ERC1: variants seen among roughly 807,000 people sequenced by gnomAD.
The protein encoded by ERC1 is ELKS/RAB6-interacting/CAST family member 1, also known as RAB6 interacting protein 2.
Under a neutral mutation model 132.0 loss-of-function variants are expected in ERC1, and 56 were observed. That is an observed-to-expected ratio of 0.42 (90% CI 0.34 to 0.53). ERC1 has a LOEUF of 0.53. Ranked by LOEUF, ERC1 falls within the 20% of genes least tolerant of loss-of-function variation. ERC1 has a pLI of 0.03. For missense variants in ERC1, 1,202 were observed against 1,349.9 expected, an observed-to-expected ratio of 0.89 and a Z score of 1.72; for synonymous variants, 478 against 476.1, an observed-to-expected ratio of 1.00 and a Z score of -0.05.
chr12:1,478,740 G>A (rs951220771), intron 18 of ERC1, among the ~76,000 whole-genome samples: 1 of 151,472 alleles, frequency 6.6e-6, no homozygotes, highest in Non-Finnish European at 1.5e-5. Context: ...AGTGAGCCAA[G>A]ATCGCACCAC....
chr12:1,276,169 A>T (rs147775198), intron 14 of ERC1, among the ~76,000 whole-genome samples: 1 of 151,770 alleles, frequency 6.6e-6, no homozygotes, highest in Admixed American at 6.6e-5. Context: ...TACTTCTTCC[A>T]TAAAACCTTT....
At chr12:1,184,814 G>A (rs558382547) in intron 11 of ERC1, among the ~76,000 whole-genome samples, 13 of 152,036 alleles carry the variant, frequency 8.6e-5, no homozygotes, top group African/African-American at 2.4e-4. Flanking sequence ...GTGCAGTGGC[G>A]TAATCATAGT....
rs141947915 is a variant in ERC1, at chr12:1,332,259, C to G, written c.2781-39574C>G. Among the ~76,000 whole-genome samples, 360 of 152,146 alleles carry G rather than the reference C, an allele frequency of 2.4e-3. 1 individual carries two copies. The highest frequency in any genetic ancestry group is 7.8e-3 in the African/African-American group (326 of 41,532). The stretch of plus-strand genomic sequence containing the variant: ...TTAACTTTCTTACAATTGGAATGTT[C>G]TTTTTCATAGCCTGCTGTATCTGTT... On this transcript the variant is annotated intron_variant, in intron 15 of 18. Coordinates refer to ENST00000360905, the MANE Select transcript of ERC1 (RefSeq NM_178040.4).
At chr12:1,211,938 G>A (rs1007314767) in intron 12 of ERC1, among the ~76,000 whole-genome samples, 1 of 152,076 alleles carries the variant, frequency 6.6e-6, no homozygotes, top group African/African-American at 2.4e-5. Context: ...ATTTAAGGAG[G>A]TCAATTAAAT....
chr12:1,470,783 T>C (rs1386210202), intron 18 of ERC1, among the ~76,000 whole-genome samples: 1 of 152,238 alleles, frequency 6.6e-6, no homozygotes. Context: ...CAAGCCTGCA[T>C]CTGCAAATCT....
At chr12:1,331,269 T>C (rs1300840251) in intron 15 of ERC1, among the ~76,000 whole-genome samples, 1 of 152,240 alleles carries the variant, frequency 6.6e-6, no homozygotes, top group Non-Finnish European at 1.5e-5. Context: ...ATAAGTACTC[T>C]TTTGTGTCTG....
chr12:1,315,683 T>C (rs1050776737), intron 15 of ERC1, among the ~76,000 whole-genome samples: 1 of 151,998 alleles, frequency 6.6e-6, no homozygotes, highest in East Asian at 1.9e-4. Context: ...ACTTATTTTT[T>C]TACTAGTTTT....
chr12:1,155,388 A>C (rs910622986), intron 8 of ERC1, among the ~76,000 whole-genome samples: 1 of 152,118 alleles, frequency 6.6e-6, no homozygotes, highest in African/African-American at 2.4e-5. Flanking sequence ...TACCCAAAGG[A>C]AAAGAAGTCA....
intron 17 of ERC1, among the ~76,000 whole-genome samples, chr12:1,441,830 G>A (rs185866781): frequency 1.2e-3 from 180 of 152,330 alleles, no homozygotes; most frequent in Non-Finnish European, 1.7e-3. Context: ...AGACGGTTTC[G>A]TCATTGGCGC....
chr12:1,222,415 G>A (rs1044330144), intron 12 of ERC1, among the ~76,000 whole-genome samples: 1 of 151,724 alleles, frequency 6.6e-6, no homozygotes, highest in Non-Finnish European at 1.5e-5. Flanking sequence ...TGGCAGATAC[G>A]GGGTTTTGAG....
chr12:1,351,970 G>C (rs1020360151), intron 15 of ERC1, among the ~76,000 whole-genome samples: 2 of 151,926 alleles, frequency 1.3e-5, no homozygotes, highest in African/African-American at 4.8e-5. Context: ...ATGGTTAAAC[G>C]GTTGGTAAGT....
intron 15 of ERC1, among the ~76,000 whole-genome samples, chr12:1,301,000 TACTC>T (rs1446522313): frequency 6.6e-6 from 1 of 150,840 alleles, no homozygotes; most frequent in Admixed American, 6.6e-5. Flanking sequence ...CATGAAATAT[TACTC>T]AGCCGTTAAA....
At chr12:1,172,142 ACGT>A (rs983380944) in intron 8 of ERC1, among the ~76,000 whole-genome samples, 1 of 152,168 alleles carries the variant, frequency 6.6e-6, no homozygotes, top group African/African-American at 2.4e-5. Flanking sequence ...TTAAGGAATA[ACGT>A]CGTCTTTCTC....
intron 18 of ERC1, among the ~76,000 whole-genome samples, chr12:1,462,566 GAC>G (rs1267098953): frequency 6.6e-6 from 1 of 152,170 alleles, no homozygotes; most frequent in Admixed American, 6.5e-5. Context: ...AAAGAAGCCA[GAC>G]ACACACAAAA....
intron 12 of ERC1, chr12:1,190,265 A>G (rs1011246930): frequency 1.1e-5 from 8 of 697,126 alleles, no homozygotes; most frequent in African/African-American, 3.5e-5. Flanking sequence ...TTGGGAAGCT[A>G]TGGGCTGTAA....
At chr12:1,282,658 A>G (rs1218001376) in intron 14 of ERC1, among the ~76,000 whole-genome samples, 1 of 152,234 alleles carries the variant, frequency 6.6e-6, no homozygotes, top group African/African-American at 2.4e-5. Context: ...CTAGGAAAGG[A>G]TGATAGAATT....
At position 1,083,377 on chromosome 12, in the gene ERC1, A is replaced by G. The variant is rs1181061683; in HGVS notation, c.883A>G (p.Ile295Val). ...RKTLEEMELR[I>V]ETQKQTLNAR... ...GACATTGGAGGAAATGGAGCTGCGT[A>G]TTGAGACTCAAAAGCAGACCCTAAA... The change falls in exon 3 of 19, where the codon ATT (isoleucine) becomes GTT (valine). Residue 295 changes from isoleucine (I) to valine (V), a missense_variant. Physicochemically the swap from Ile to Val is conservative, Grantham distance 29. Transcript: ENST00000360905. 4 of 1,614,070 alleles carry G rather than the reference A, an allele frequency of 2.5e-6. No individual in the cohort carries two copies. In the South Asian group the frequency reaches 3.3e-5, roughly 13 times the overall value.
At chr12:1,072,522 AG>A (rs1308597626) in intron 2 of ERC1, among the ~76,000 whole-genome samples, 1 of 152,146 alleles carries the variant, frequency 6.6e-6, no homozygotes, top group Non-Finnish European at 1.5e-5. Flanking sequence ...TGTGCAAAAG[AG>A]TCTCAGACGC....
At chr12:1,029,549 A>G (rs754357087) in intron 2 of ERC1, among the ~76,000 whole-genome samples, 12 of 152,114 alleles carry the variant, frequency 7.9e-5, no homozygotes, top group East Asian at 3.9e-4. Context: ...ACTGGGCATT[A>G]TAATTATGGG....
Sources: gnomAD v4.1 joint callset for allele counts (sites outside exome capture counted in the v4.1 genomes callset) on GRCh38, gnomAD v4.1.1 for gene constraint, MANE v1.5 for transcripts, NCBI Gene and HGNC (gene_info 2026-07-23, HGNC 2026-07-21) for gene names.